AIM2: variants seen among roughly 807,000 people sequenced by gnomAD.
AIM2 encodes absent in melanoma 2.
AIM2 carries 30 observed loss-of-function variants against 27.7 expected under a neutral mutation model. The ratio of observed to expected loss-of-function variants is 1.08; its 90% confidence interval spans 0.81 to 1.47. The LOEUF (loss-of-function observed/expected upper bound fraction) is 1.47, where lower values mean the gene tolerates loss of function less well. Ranked by LOEUF, AIM2 falls within the 40% of genes most tolerant of loss-of-function variation. The probability of loss-of-function intolerance (pLI) is 0.00; values close to 1 mark genes in which losing one functional copy is unlikely to be tolerated. For synonymous variants in AIM2, 141 were observed against 145.3 expected (o/e 0.97, Z 0.21); for missense variants, 358 against 411.3 (o/e 0.87, Z 1.12).
chr1:159,106,447 T>A (rs1021630059), intron 1 of AIM2, among the ~76,000 whole-genome samples: 1 of 152,280 alleles, frequency 6.6e-6, no homozygotes, highest in African/African-American at 2.4e-5. Context: ...ATTATTATGC[T>A]TATAGCTGTC....
intron 1 of AIM2, among the ~76,000 whole-genome samples, chr1:159,115,462 C>T (rs535088628): frequency 3.0e-4 from 45 of 152,272 alleles, no homozygotes; most frequent in African/African-American, 1.0e-3. Context: ...ACCAAAACAG[C>T]ATGGTACTGG....
chr1:159,126,343 T>C (rs181796110), intron 1 of AIM2, among the ~76,000 whole-genome samples: 49 of 152,162 alleles, frequency 3.2e-4, no homozygotes, highest in African/African-American at 1.2e-3. Context: ...GTTATGAAAA[T>C]GTAATCTAAA....
chr1:159,101,361 A>G (rs1239653603), intron 1 of AIM2, among the ~76,000 whole-genome samples: 1 of 152,216 alleles, frequency 6.6e-6, no homozygotes, highest in Non-Finnish European at 1.5e-5. Flanking sequence ...CTCCCCAGCC[A>G]TGCAGAACTG....
chr1:159,122,686 G>A (rs769772402), intron 1 of AIM2, among the ~76,000 whole-genome samples: 15 of 152,152 alleles, frequency 9.9e-5, no homozygotes, highest in Non-Finnish European at 1.9e-4. Flanking sequence ...CTTGGTTCTC[G>A]GCAGAACAAA....
At chr1:159,139,503 C>T (rs1473968797) in intron 1 of AIM2, among the ~76,000 whole-genome samples, 1 of 152,182 alleles carries the variant, frequency 6.6e-6, no homozygotes, top group African/African-American at 2.4e-5. Context: ...ATTTTTTACA[C>T]TTGTAGGAAA....
At position 159,131,092 on chromosome 1, in the gene AIM2, C is replaced by T. The variant is rs115446949; in HGVS notation, c.-16+9339G>A. Among the ~76,000 whole-genome samples, 414 of 152,146 alleles carry T rather than the reference C, an allele frequency of 2.7e-3. 2 individuals carry two copies. The highest frequency in any genetic ancestry group is 9.4e-3 in the African/African-American group (389 of 41,468). ...CTCTGTACTTCCCCTAAGAGTGAAC[C>T]CTCCATAATGTGTTGGGATGACCTA... is the stretch of plus-strand genomic sequence containing the variant. On this transcript the variant is annotated intron_variant, in intron 1 of 2. Coordinates refer to the AIM2 transcript ENST00000368129.
At chr1:159,103,869 A>C (rs1307347866) in intron 1 of AIM2, among the ~76,000 whole-genome samples, 4 of 152,134 alleles carry the variant, frequency 2.6e-5, no homozygotes, top group Admixed American at 2.6e-4. Context: ...CACGCCAGCC[A>C]AAGGAGGATG....
chr1:159,112,369 C>G (rs1050223423), intron 1 of AIM2, among the ~76,000 whole-genome samples: 2 of 152,056 alleles, frequency 1.3e-5, no homozygotes, highest in Non-Finnish European at 2.9e-5. Context: ...CATTAGGCAC[C>G]AAAGCAATAT....
At position 159,063,600 on chromosome 1, in the gene AIM2, T is replaced by C; in HGVS notation, c.891A>G (p.Arg297=). The change falls in exon 5 of 6, where the codon AGA becomes AGG. Residue 297 remains arginine, a synonymous_variant. Transcript: ENST00000368130. ...CCTTACATTTCATTGTGTCCTCGTT[T>C]CTAACCCCCAGTACTTCCATTTTCC... ...NTGKMEVLGV[R]NEDTMKCKEG... is the part of the protein sequence containing the mutation. The C allele has an allele frequency of 6.2e-6, 10 of 1,614,214 alleles. No individual in the cohort carries two copies. The highest frequency in any genetic ancestry group is 8.5e-6 in the Non-Finnish European group (10 of 1,180,028).
upstream of AIM2, among the ~76,000 whole-genome samples, chr1:159,079,469 A>T (rs896398627): frequency 6.6e-6 from 1 of 152,236 alleles, no homozygotes; most frequent in Non-Finnish European, 1.5e-5. Flanking sequence ...CAAGTTATCA[A>T]ATAAATACCG....
chr1:159,138,551 G>A (rs564185154), intron 1 of AIM2, among the ~76,000 whole-genome samples: 1 of 152,226 alleles, frequency 6.6e-6, no homozygotes, highest in East Asian at 1.9e-4. Flanking sequence ...TTCATCATGG[G>A]AATATGTATT....
rs768258431 is a variant in AIM2 at position 159,120,104 on chromosome 1, A to G, written c.-16+20327T>C. 2.6e-5 allele frequency among the ~76,000 whole-genome samples: 4 copies of G among 152,164 alleles called. No homozygotes were observed. The Middle Eastern group carries it at 0.014, about 521-fold the overall frequency. On this transcript the variant is annotated intron_variant, in intron 1 of 2. Transcript: ENST00000368129. ...TCTATATTTATTTCTCTTTTCTCAT[A>G]CATTGAAAACACTGGATCCTGATGT...
intron 3 of AIM2, among the ~76,000 whole-genome samples, chr1:159,067,787 T>C (rs1178062166): frequency 6.6e-6 from 1 of 151,922 alleles, no homozygotes; most frequent in Non-Finnish European, 1.5e-5. Flanking sequence ...CTCACACAGG[T>C]ATAAAATAAT....
chr1:159,080,805 C>A (rs572474854), upstream of AIM2, among the ~76,000 whole-genome samples: 5 of 152,106 alleles, frequency 3.3e-5, no homozygotes, highest in African/African-American at 4.8e-5. Flanking sequence ...TTCTGATATG[C>A]CTTCAACAAA....
At chr1:159,079,939 A>T (rs1276359583), upstream of AIM2, among the ~76,000 whole-genome samples, 1 of 152,178 alleles carries the variant, frequency 6.6e-6, no homozygotes, top group Admixed American at 6.6e-5. Flanking sequence ...GTCATACAGT[A>T]TATAGCCTTT....
At chr1:159,125,665 C>T (rs531605715) in intron 1 of AIM2, among the ~76,000 whole-genome samples, 2 of 152,280 alleles carry the variant, frequency 1.3e-5, no homozygotes, top group African/African-American at 4.8e-5. Flanking sequence ...TTAGTTTTCC[C>T]ATTTCTAATG....
At chr1:159,066,464 A>G (rs1013564715) in intron 3 of AIM2, 135 bp from the exon 4 acceptor site, 1 of 895,616 alleles carries the variant, frequency 1.1e-6, no homozygotes, top group Non-Finnish European at 1.7e-6. Context: ...TACAGAGGGG[A>G]TACGAAGAGA....
chr1:159,068,742 C>T, intron 2 of AIM2, 41 bp from the exon 3 acceptor site: 1 of 1,593,744 alleles, frequency 6.3e-7, no homozygotes, highest in Non-Finnish European at 8.6e-7. Flanking sequence ...AGCATATAAA[C>T]ATATGAGCAG....
chr1:159,095,887 A>G (rs930811707), intron 1 of AIM2, among the ~76,000 whole-genome samples: 11 of 152,304 alleles, frequency 7.2e-5, no homozygotes, highest in African/African-American at 2.6e-4. Flanking sequence ...CATTTCAGGG[A>G]TATTATAGTG....
Sources: gnomAD v4.1 joint callset for allele counts (sites outside exome capture counted in the v4.1 genomes callset) on GRCh38, gnomAD v4.1.1 for gene constraint, MANE v1.5 for transcripts, NCBI Gene and HGNC (gene_info 2026-07-23, HGNC 2026-07-21) for gene names.